The following KLF12 variants were observed in gnomAD, a reference collection of about 807,000 sequenced individuals.
KLF12 encodes Krueppel-like factor 12.
KLF12 carries 9 observed loss-of-function variants against 37.8 expected under a neutral mutation model. The observed-to-expected ratio is 0.24, with a 90% CI of 0.14 to 0.42. The LOEUF (loss-of-function observed/expected upper bound fraction) is 0.42. Among genes scored for constraint, KLF12 ranks in the 10% least tolerant of loss-of-function variants. The pLI is 1.00. For missense variants in KLF12, 411 were observed against 516.0 expected (o/e 0.80, Z 1.97); for synonymous variants, 208 against 202.1 (o/e 1.03, Z -0.25).
chr13:74,218,309 A>C, the KLF12 span, among the ~76,000 whole-genome samples: 1 of 152,212 alleles, frequency 6.6e-6, no homozygotes, highest in African/African-American at 2.4e-5. Context: ...GGGAACAATA[A>C]GGCAAATGAA....
At chr13:74,154,340 C>T in the KLF12 span, among the ~76,000 whole-genome samples, 1 of 152,048 alleles carries the variant, frequency 6.6e-6, no homozygotes, top group Non-Finnish European at 1.5e-5. Flanking sequence ...CTCCTTTTAT[C>T]CCATTATAAG....
chr13:73,839,146 G>A (rs1218261048), intron 4 of KLF12, among the ~76,000 whole-genome samples: 1 of 150,356 alleles, frequency 6.7e-6, no homozygotes, highest in Non-Finnish European at 1.5e-5. Flanking sequence ...AGGCTGGAGT[G>A]CAGTGGTGTG....
intron 2 of KLF12, among the ~76,000 whole-genome samples, chr13:73,978,208 T>C (rs545162151): frequency 6.6e-6 from 1 of 152,064 alleles, no homozygotes; most frequent in South Asian, 2.1e-4. Flanking sequence ...GGGAAAAATA[T>C]TTGCAAAAGA....
chr13:74,278,069 G>A, the KLF12 span, among the ~76,000 whole-genome samples: 1 of 152,212 alleles, frequency 6.6e-6, no homozygotes, highest in African/African-American at 2.4e-5. Context: ...TGGTCCTGAT[G>A]TGTGTTTAAT....
chr13:73,886,529 A>C (rs1887229731), intron 3 of KLF12, among the ~76,000 whole-genome samples: 1 of 152,146 alleles, frequency 6.6e-6, no homozygotes, highest in South Asian at 2.1e-4. Flanking sequence ...GCTGGGCCTA[A>C]TACCTAGGTG....
rs547215152 is a variant in KLF12 at position 73,742,111 on chromosome 13, G to A, written c.869+22827C>T. 6.6e-5 allele frequency among the ~76,000 whole-genome samples: 10 copies of A among 152,182 alleles called. No homozygotes were observed. In the East Asian group the frequency reaches 1.9e-3, roughly 29 times the overall value. Reference sequence around the variant, plus strand: ...ATGGTTGTTGAGCAGAGTCAACAAAGTCAATTTAATAAAATGCAGAGTATT... The same window carrying A: ...ATGGTTGTTGAGCAGAGTCAACAAAATCAATTTAATAAAATGCAGAGTATT... On this transcript the variant is annotated intron_variant, in intron 6 of 7. Coordinates refer to ENST00000377669, the MANE Select transcript of KLF12 (RefSeq NM_007249.5).
At chr13:73,916,985 T>C (rs1888878764) in intron 3 of KLF12, among the ~76,000 whole-genome samples, 1 of 152,172 alleles carries the variant, frequency 6.6e-6, no homozygotes, top group African/African-American at 2.4e-5. Flanking sequence ...GGTAGGGACA[T>C]GCACACTAAT....
chr13:73,891,043 T>C (rs941946986), intron 3 of KLF12, among the ~76,000 whole-genome samples: 6 of 152,076 alleles, frequency 3.9e-5, no homozygotes. Flanking sequence ...TACTATGCAA[T>C]GTTGAAGATT....
At chr13:74,122,427 G>T (rs561872419) in intron 1 of KLF12, among the ~76,000 whole-genome samples, 96 of 152,138 alleles carry the variant, frequency 6.3e-4, no homozygotes, top group African/African-American at 2.2e-3. Flanking sequence ...GATGGTGATT[G>T]GGGAGAGCGT....
At chr13:73,947,124 G>A (rs1890461134) in intron 2 of KLF12, among the ~76,000 whole-genome samples, 1 of 152,116 alleles carries the variant, frequency 6.6e-6, no homozygotes, top group African/African-American at 2.4e-5. Flanking sequence ...CCTAAGAGAT[G>A]AATAAAATTA....
the KLF12 span, among the ~76,000 whole-genome samples, chr13:74,300,082 A>G: frequency 2.0e-5 from 3 of 152,162 alleles, no homozygotes; most frequent in Admixed American, 1.3e-4. Context: ...CTTTTATCCT[A>G]TGAGAGGAGC....
intron 3 of KLF12, among the ~76,000 whole-genome samples, chr13:73,884,930 G>A (rs1887148873): frequency 2.0e-5 from 3 of 152,070 alleles, no homozygotes; most frequent in South Asian, 2.1e-4. Context: ...TCTGACCTCT[G>A]GGGCACCATA....
At chr13:73,880,860 G>GA (rs1455004756) in intron 3 of KLF12, among the ~76,000 whole-genome samples, 1 of 151,982 alleles carries the variant, frequency 6.6e-6, no homozygotes, top group Non-Finnish European at 1.5e-5. Context: ...CCTGCTTAAA[G>GA]AAAAAAACTA....
At chr13:74,073,570 G>A (rs1874398552) in intron 1 of KLF12, among the ~76,000 whole-genome samples, 1 of 152,158 alleles carries the variant, frequency 6.6e-6, no homozygotes, top group African/African-American at 2.4e-5. Flanking sequence ...TTTTGTTCTA[G>A]TGGTGGCCAC....
chr13:74,193,411 C>A, the KLF12 span, among the ~76,000 whole-genome samples: 1 of 152,124 alleles, frequency 6.6e-6, no homozygotes, highest in Non-Finnish European at 1.5e-5. Context: ...AAATGAGAAC[C>A]AATGAGTTCC....
chr13:74,226,104 T>A, the KLF12 span, among the ~76,000 whole-genome samples: 1 of 152,130 alleles, frequency 6.6e-6, no homozygotes, highest in Non-Finnish European at 1.5e-5. Context: ...GGAAATAGCT[T>A]TTTTTAAAGG....
At chr13:73,859,857 G>T (rs748042584) in intron 3 of KLF12, among the ~76,000 whole-genome samples, 1 of 151,692 alleles carries the variant, frequency 6.6e-6, no homozygotes, top group Admixed American at 6.6e-5. Context: ...ATTTGAAAGC[G>T]AGTACAATTA....
At chr13:73,783,957 C>A (rs1442634949) in intron 5 of KLF12, among the ~76,000 whole-genome samples, 1 of 152,092 alleles carries the variant, frequency 6.6e-6, no homozygotes, top group East Asian at 1.9e-4. Context: ...CCTCCAATGT[C>A]ACAAGTCCAC....
chr13:73,755,198 C>T (rs1462380936), intron 6 of KLF12, among the ~76,000 whole-genome samples: 1 of 152,100 alleles, frequency 6.6e-6, no homozygotes, highest in Non-Finnish European at 1.5e-5. Context: ...GTTTCTTTTT[C>T]TTTTCAGACC....
Sources: allele counts gnomAD v4.1 joint callset (sites outside exome capture counted in the v4.1 genomes callset), GRCh38; gene constraint gnomAD v4.1.1; transcripts MANE v1.5; gene names NCBI Gene and HGNC (gene_info 2026-07-23, HGNC 2026-07-21).